Variants in FCRLA observed in about 807,000 individuals in gnomAD.
FCRLA encodes Fc receptor like A.
A neutral mutation model predicts 28.4 loss-of-function variants in FCRLA; 26 were observed. The observed-to-expected ratio is 0.91, with a 90% CI of 0.67 to 1.27. The LOEUF (loss-of-function observed/expected upper bound fraction) is 1.27. Among genes scored for constraint, FCRLA ranks in the 50% most tolerant of loss-of-function variants. The pLI is 0.00. For missense variants in FCRLA, 422 were observed against 433.1 expected (o/e 0.97, Z 0.23); for synonymous variants, 174 against 168.5 (o/e 1.03, Z -0.25).
chr1:161,710,864 G>A lies in FCRLA; in HGVS notation c.184G>A (p.Val62Ile), dbSNP rs1683063527. The A allele has an allele frequency of 1.2e-6, 2 of 1,613,836 alleles. No individual in the cohort carries two copies. Among genetic ancestry groups the A allele is most frequent in the East Asian group, 4.5e-5 (2 of 44,882 alleles). ...TGATGCAAGGGAAGCTGGCTTCCAG[G>A]TCAAGGCCTACACTTTCAGTGAACC... Reference protein sequence around the residue: ...LTDAREAGFQVKAYTFSEPFH... With the variant: ...LTDAREAGFQIKAYTFSEPFH... The change falls in exon 2 of 5, where the codon GTC (valine) becomes ATC (isoleucine). Residue 62 changes from valine (V) to isoleucine (I), a missense_variant. Val to Ile is a conservative substitution (Grantham distance 29, BLOSUM62 3). Coordinates refer to ENST00000236938, the MANE Select transcript of FCRLA (RefSeq NM_032738.4).
At chr1:161,711,151 G>C in intron 2 of FCRLA, 57 bp from the exon 3 acceptor site, 1 of 1,560,000 alleles carries the variant, frequency 6.4e-7, no homozygotes, top group Non-Finnish European at 8.7e-7. Context: ...AGGCATGCTT[G>C]GGGGTGGCCC....
chr1:161,712,327 A>G, intron 4 of FCRLA, 109 bp downstream of exon 4: 1 of 1,257,832 alleles, frequency 8.0e-7, no homozygotes, highest in South Asian at 1.5e-5. Context: ...CAGGTTAAGA[A>G]GGGACACAGA....
rs113851831 is a variant in FCRLA, at chr1:161,710,214, C to T, written c.80-546C>T. On this transcript the variant is annotated intron_variant, in intron 1 of 4. Coordinates refer to ENST00000236938, the MANE Select transcript of FCRLA (RefSeq NM_032738.4). Reference sequence around the variant, plus strand: ...TGATTTTGGACTCAGACACACCTGCCTTTCCCGATCCATTGCTTAGTCTCT... The same window carrying T: ...TGATTTTGGACTCAGACACACCTGCTTTTCCCGATCCATTGCTTAGTCTCT... The T allele has an allele frequency of 8.0e-3, 4,252 of 530,256 alleles. 118 individuals are homozygous for T. Among genetic ancestry groups the T allele is most frequent in the African/African-American group, 0.072 (3,781 of 52,532 alleles). 32.8% of individuals were successfully genotyped at this position (530,256 alleles called of 1,614,324 possible).
chr1:161,707,527 T>C (rs1307325808), intron 1 of FCRLA, among the ~76,000 whole-genome samples, 184 bp downstream of exon 1: 1 of 152,216 alleles, frequency 6.6e-6, no homozygotes, highest in East Asian at 1.9e-4. Flanking sequence ...AATATAAAAA[T>C]CTTCCATCCT....
At chr1:161,710,375 C>T (rs919135608) in intron 1 of FCRLA, 5 of 1,122,470 alleles carry the variant, frequency 4.5e-6, no homozygotes, top group Non-Finnish European at 6.6e-6. Flanking sequence ...CAGGGTCTGG[C>T]ACCCAGTGAA....
chr1:161,710,719 A>G (rs770273781), intron 1 of FCRLA, 41 bp from the exon 2 acceptor site: 9 of 1,613,428 alleles, frequency 5.6e-6, no homozygotes, highest in South Asian at 2.2e-5. Flanking sequence ...TCCAAGTTGC[A>G]TCATCATTTT....
intron 2 of FCRLA, 66 bp downstream of exon 2, chr1:161,710,978 G>C: frequency 6.3e-7 from 1 of 1,594,500 alleles, no homozygotes; most frequent in South Asian, 1.1e-5. Flanking sequence ...GCCCACCCAG[G>C]AAAGTGTCCC....
intron 1 of FCRLA, among the ~76,000 whole-genome samples, chr1:161,709,537 G>A (rs1019729871): frequency 6.6e-6 from 1 of 152,220 alleles, no homozygotes; most frequent in African/African-American, 2.4e-5. Flanking sequence ...AGCGGAGAAA[G>A]GATGGAAAGA....
chr1:161,710,547 C>T (rs1328770063), intron 1 of FCRLA: 2 of 1,536,870 alleles, frequency 1.3e-6, no homozygotes, highest in Non-Finnish European at 1.8e-6. Context: ...AACCACAGTG[C>T]ATTTGCTGAG....
In FCRLA at chr1:161,713,180, C is replaced by T; in HGVS notation, c.880C>T (p.Pro294Ser). The T allele has an allele frequency of 6.2e-7, 1 of 1,614,232 alleles. No individual in the cohort carries two copies. The highest frequency in any genetic ancestry group is 1.1e-5 in the South Asian group (1 of 91,086). ...TAPEEAPGPLPPPPTPSSEDP... is the reference protein window; with the variant it reads ...TAPEEAPGPLSPPPTPSSEDP... Reference sequence around the variant, plus strand: ...TCCTGAGGAGGCCCCTGGGCCTCTGCCTCCGCCGCCAACCCCATCTTCTGA... The same window carrying T: ...TCCTGAGGAGGCCCCTGGGCCTCTGTCTCCGCCGCCAACCCCATCTTCTGA... The change falls in exon 5 of 5, where the codon CCT becomes TCT. Residue 294 changes from proline to serine, a missense_variant. Physicochemically the swap from Pro to Ser is moderately conservative, Grantham distance 74. Around this residue, in one of 3 missense-constraint regions of FCRLA, gnomAD observed 185 missense variants for 198.1 expected, o/e 0.93. Coordinates refer to ENST00000236938, the MANE Select transcript of FCRLA (RefSeq NM_032738.4).
At chr1:161,711,000 C>A in intron 2 of FCRLA, 88 bp downstream of exon 2, 2 of 1,555,790 alleles carry the variant, frequency 1.3e-6, no homozygotes, top group Non-Finnish European at 1.8e-6. Context: ...AGGAAATTGG[C>A]TATGGGATGA....
At chr1:161,710,358 G>A in intron 1 of FCRLA, 1 of 909,972 alleles carries the variant, frequency 1.1e-6, no homozygotes, top group Non-Finnish European at 1.8e-6. Flanking sequence ...CTGCACACAA[G>A]TGCTAGCAGG....
Position 161,712,206 on chromosome 1 carries a change from A to G in FCRLA, c.772A>G (p.Ile258Val). Residue 258 changes from isoleucine (I) to valine (V), a missense_variant, in exon 4 of 5, where the codon ATC becomes GTC. By Grantham distance (29) the Ile-to-Val change is conservative. Transcript: ENST00000236938. ...QVWKQSPQLE[I>V]RVQGASSSAA... ...TTGGAAACAGAGCCCCCAGCTAGAG[A>G]TCAGAGTGCAGGGTGAGTTCGCATC... is the stretch of plus-strand genomic sequence containing the variant. 1 of 1,613,110 alleles carries G rather than the reference A, an allele frequency of 6.2e-7. No homozygotes were observed. The highest frequency in any genetic ancestry group is 8.5e-7 in the Non-Finnish European group (1 of 1,179,492).
chr1:161,710,742 G>C lies in FCRLA; in HGVS notation c.80-18G>C. On this transcript the variant is annotated intron_variant, in intron 1 of 4. Coordinates refer to ENST00000236938, the MANE Select transcript of FCRLA (RefSeq NM_032738.4). ...GCATCATCATTTTCTGGTTCTCCCT[G>C]GGCCATGCCCTCTTCAGCTGCCAGT... 6.2e-7 allele frequency: 1 copy of C among 1,614,040 alleles called. No individual in the cohort carries two copies. The highest frequency in any genetic ancestry group is 8.5e-7 in the Non-Finnish European group (1 of 1,179,990).
In FCRLA at chr1:161,713,341, C is replaced by A. The variant is rs1485959801; in HGVS notation, c.1041C>A (p.Gly347=). The change falls in exon 5 of 5, where the codon GGC becomes GGA. Residue 347 remains glycine (G), a synonymous_variant. Coordinates refer to ENST00000236938, the MANE Select transcript of FCRLA (RefSeq NM_032738.4). Reference sequence around the variant, plus strand: ...TCATGGAGTTGAGGGAATTATCTGGCCACCGGAAGCCTGGGACCACAAAGG... The same window carrying A: ...TCATGGAGTTGAGGGAATTATCTGGACACCGGAAGCCTGGGACCACAAAGG... ...HLLMELRELS[G]HRKPGTTKAT... 1.2e-6 allele frequency: 2 copies of A among 1,614,036 alleles called. No individual in the cohort carries two copies. The highest frequency in any genetic ancestry group is 4.5e-5 in the East Asian group (2 of 44,894).
Position 161,713,624 on chromosome 1 carries a change from T to C in FCRLA, c.*244T>C. 1 of 411,214 alleles carries C rather than the reference T, an allele frequency of 2.4e-6. No homozygotes were observed. The highest frequency in any genetic ancestry group is 4.3e-6 in the Non-Finnish European group (1 of 230,692). 25.5% of individuals were successfully genotyped at this position (411,214 alleles called of 1,614,324 possible). A position where few individuals can be genotyped will look rare whatever the true frequency, so the allele number is the denominator to read the frequency against. ...GTCTAGATCAGGAATTTCTATCTGT[T>C]ATATCGACCAGAATGTTGTGATTTA... On this transcript the variant is annotated 3_prime_UTR_variant, in exon 5 of 5. Transcript: ENST00000236938.
In FCRLA at chr1:161,713,412, C is replaced by G; in HGVS notation, c.*32C>G. 2 of 1,539,532 alleles carry G rather than the reference C, an allele frequency of 1.3e-6. No individual in the cohort carries two copies. The highest frequency in any genetic ancestry group is 1.8e-6 in the Non-Finnish European group (2 of 1,126,858). ...ACAGTTCATCCATGATCTCACTTAACCACCCCAATAAATCTGATTCTTTAT... is the reference window on the plus strand; with the variant it reads ...ACAGTTCATCCATGATCTCACTTAAGCACCCCAATAAATCTGATTCTTTAT... On this transcript the variant is annotated 3_prime_UTR_variant, in exon 5 of 5. Transcript: ENST00000236938.
chr1:161,709,141 G>T (rs1682971321), intron 1 of FCRLA, among the ~76,000 whole-genome samples: 1 of 150,116 alleles, frequency 6.7e-6, no homozygotes, highest in Non-Finnish European at 1.5e-5. Flanking sequence ...TTTATTTTAT[G>T]TTTTGAGACA....
intron 1 of FCRLA, among the ~76,000 whole-genome samples, chr1:161,707,567 C>G (rs769402724): frequency 1.3e-4 from 20 of 152,232 alleles, no homozygotes; most frequent in Non-Finnish European, 2.5e-4. Context: ...GATATCCTCT[C>G]TAGCTCTAAT....
Sources: allele counts gnomAD v4.1 joint callset (sites outside exome capture counted in the v4.1 genomes callset), GRCh38; gene constraint gnomAD v4.1.1; regional missense constraint gnomAD v4.1.1; transcripts MANE v1.5; gene names NCBI Gene and HGNC (gene_info 2026-07-23, HGNC 2026-07-21).